The following MAP4K1 variants were observed in gnomAD, a reference collection of about 807,000 sequenced individuals.
MAP4K1 encodes the protein mitogen-activated protein kinase kinase kinase kinase 1, also known as MAPK/ERK kinase kinase kinase 1.
A neutral mutation model predicts 122.8 loss-of-function variants in MAP4K1; 35 were observed. That is an observed-to-expected ratio of 0.29 (90% CI 0.22 to 0.38). The LOEUF (loss-of-function observed/expected upper bound fraction) is 0.38, where lower values mean the gene tolerates loss of function less well. Among genes scored for constraint, MAP4K1 ranks in the 10% least tolerant of loss-of-function variants. The probability of loss-of-function intolerance (pLI) is 1.00; values close to 1 mark genes in which losing one functional copy is unlikely to be tolerated. For synonymous variants in MAP4K1, 412 were observed against 421.3 expected (o/e 0.98, Z 0.27); for missense variants, 791 against 1,072.6 (o/e 0.74, Z 3.67).
Position 38,607,861 on chromosome 19 carries a change from T to TA in MAP4K1, c.1157+2dup. ...GTGGAGCTGCAGGCAGGGCCTCACTTACATGTCCACGTCGTCATAGTCATC... is the reference window on the plus strand; with the variant it reads ...GTGGAGCTGCAGGCAGGGCCTCACTTAACATGTCCACGTCGTCATAGTCATC... On this transcript the variant is annotated splice_region_variant and intron_variant, in intron 16 of 30. Coordinates refer to ENST00000396857, the MANE Select transcript of MAP4K1 (RefSeq NM_001042600.3). 6.2e-7 allele frequency: 1 copy of TA among 1,611,084 alleles called. No individual in the cohort carries two copies. Among genetic ancestry groups the TA allele is most frequent in the Non-Finnish European group, 8.5e-7 (1 of 1,178,852 alleles).
intron 19 of MAP4K1, among the ~76,000 whole-genome samples, chr19:38,602,875 T>C (rs1599704524): frequency 1.4e-5 from 2 of 148,126 alleles, no homozygotes; most frequent in African/African-American, 4.9e-5. Context: ...CACATGTACA[T>C]ATATACTTAT....
intron 13 of MAP4K1, among the ~76,000 whole-genome samples, chr19:38,609,109 T>C (rs892041076): frequency 2.0e-5 from 3 of 152,152 alleles, no homozygotes; most frequent in Admixed American, 6.6e-5. Context: ...CTGGGAACTC[T>C]ATGGTCATTT....
chr19:38,602,425 CACACACAT>C (rs908115004), intron 19 of MAP4K1, among the ~76,000 whole-genome samples: 85 of 151,096 alleles, frequency 5.6e-4, no homozygotes, highest in African/African-American at 1.8e-3. Context: ...CACACACACA[CACACACAT>C]ATATATACAC....
intron 8 of MAP4K1, 103 bp downstream of exon 8, chr19:38,613,777 C>T (rs960328890): frequency 1.3e-4 from 110 of 862,268 alleles, no homozygotes; most frequent in Admixed American, 6.3e-4. Context: ...GGAGAAAGGA[C>T]GAGGCAGGGG....
intron 9 of MAP4K1, 43 bp from the exon 10 acceptor site, chr19:38,611,348 G>A (rs1218603378): frequency 1.5e-6 from 2 of 1,369,754 alleles, no homozygotes; most frequent in African/African-American, 2.9e-5. Context: ...ACCCTCAAGG[G>A]GGCCAGACCT....
rs573540717 is a variant in MAP4K1, at chr19:38,597,339, C to T, written c.1824G>A (p.Arg608=). The T allele has an allele frequency of 3.3e-4, 527 of 1,614,076 alleles. 2 individuals are homozygous for T. The South Asian group carries it at 5.5e-3, about 17-fold the overall frequency. ...STKIQDTKGC[R]ACCVAEGASS... is the part of the protein sequence containing the mutation. The stretch of plus-strand genomic sequence containing the variant: ...GCTCTCTCTCACCCACACAGCACGC[C>T]CGGCAGCCTTTGGTGTCCTGGATCT... Residue 608 remains arginine (R), a synonymous_variant, in exon 24 of 31, where the codon CGG becomes CGA. Transcript: ENST00000396857. The surrounding 1 kb of genome is among the most constrained non-coding windows in gnomAD (Gnocchi z 4.6).
At position 38,612,710 on chromosome 19, in the gene MAP4K1, T is replaced by C; in HGVS notation, c.566A>G (p.Lys189Arg). 6.2e-7 allele frequency: 1 copy of C among 1,613,566 alleles called. No individual in the cohort carries two copies. Among genetic ancestry groups the C allele is most frequent in the Non-Finnish European group, 8.5e-7 (1 of 1,179,798 alleles). The change falls in exon 9 of 31, where the codon AAG becomes AGG. Residue 189 changes from lysine (K) to arginine (R), a missense_variant. By Grantham distance (26) the Lys-to-Arg change is conservative. Transcript: ENST00000396857. ...MAPEVAAVAL[K>R]GGYNELCDIW... ...GTCACACAGCTCATTGTATCCTCCC[T>C]TCAGGGCCACAGCTGCCACTTCCGG...
intron 19 of MAP4K1, chr19:38,601,786 TG>T (rs1184527039): frequency 6.8e-6 from 3 of 443,004 alleles, no homozygotes; most frequent in Non-Finnish European, 1.2e-5. Flanking sequence ...CATCAGCATT[TG>T]TTTTTTTTAA....
intron 12 of MAP4K1, 40 bp downstream of exon 12, chr19:38,609,869 C>A: frequency 1.3e-6 from 2 of 1,561,188 alleles, no homozygotes; most frequent in Non-Finnish European, 1.8e-6. Context: ...CTGAGAAAGA[C>A]CGAGAGGTCC....
intron 8 of MAP4K1, 132 bp from the exon 9 acceptor site, chr19:38,612,874 T>A: frequency 2.1e-6 from 2 of 937,732 alleles, no homozygotes; most frequent in Non-Finnish European, 3.2e-6. Context: ...GGGACAGGAG[T>A]AAAGACAGAC....
At position 38,600,159 on chromosome 19, in the gene MAP4K1, G is replaced by A. The variant is rs751339152; in HGVS notation, c.1532-6C>T. The A allele has an allele frequency of 1.2e-6, 2 of 1,613,880 alleles. No homozygotes were observed. The highest frequency in any genetic ancestry group is 1.7e-4 in the Middle Eastern group (1 of 6,058). ...CCCCAGGAGCAGGTGCTGGTCTGGA[G>A]GCACAGACAAGGACGCTGGGACCGA... is the stretch of plus-strand genomic sequence containing the variant. On this transcript the variant is annotated splice_polypyrimidine_tract_variant and splice_region_variant and intron_variant, in intron 20 of 30. Coordinates refer to ENST00000396857, the MANE Select transcript of MAP4K1 (RefSeq NM_001042600.3).
Position 38,606,165 on chromosome 19 carries a change from G to T in MAP4K1, c.1200+8C>A. ...CCCCAGCCTCCCAGCTCTGGCCCAG[G>T]GCCTTACCTTGGGGGGAAGTGGAGG... On this transcript the variant is annotated splice_region_variant and intron_variant, in intron 17 of 30. Transcript: ENST00000396857. 1 of 1,581,980 alleles carries T rather than the reference G, an allele frequency of 6.3e-7. No homozygotes were observed. The highest frequency in any genetic ancestry group is 1.9e-5 in the Admixed American group (1 of 51,722).
chr19:38,614,539 C>A, intron 4 of MAP4K1, 94 bp from the exon 5 acceptor site: 1 of 1,375,276 alleles, frequency 7.3e-7, no homozygotes, highest in Non-Finnish European at 1.0e-6. Context: ...TAAGAGGGTG[C>A]CATAGGGAGA....
At chr19:38,587,855 T>G (rs1974570407) in intron 30 of MAP4K1, 38 bp from the exon 31 acceptor site, 1 of 1,450,760 alleles carries the variant, frequency 6.9e-7, no homozygotes, top group South Asian at 1.1e-5. Flanking sequence ...ATTTATTCAT[T>G]CATATGTTCA....
At position 38,597,311 on chromosome 19, in the gene MAP4K1, G is replaced by A. The variant is rs1447212903; in HGVS notation, c.1837+15C>T. The A allele has an allele frequency of 8.7e-6, 14 of 1,613,778 alleles. No individual in the cohort carries two copies. The highest frequency in any genetic ancestry group is 8.0e-5 in the African/African-American group (6 of 74,924). ...CCCCGCCCACTCTCTGCACACCCGT[G>A]AAGCTCTCTCTCACCCACACAGCAC... On this transcript the variant is annotated intron_variant, in intron 24 of 30. Coordinates refer to ENST00000396857, the MANE Select transcript of MAP4K1 (RefSeq NM_001042600.3). The surrounding 1 kb of genome is among the most constrained non-coding windows in gnomAD (Gnocchi z 4.6).
chr19:38,588,709 G>A (rs1312250526), intron 30 of MAP4K1, among the ~76,000 whole-genome samples: 4 of 148,526 alleles, frequency 2.7e-5, no homozygotes, highest in Admixed American at 2.0e-4. Flanking sequence ...CCGAGATAGC[G>A]CCAGTGCACT....
At position 38,587,657 on chromosome 19, in the gene MAP4K1, T is replaced by C. The variant is rs2145923056; in HGVS notation, c.*91A>G. On this transcript the variant is annotated 3_prime_UTR_variant, in exon 31 of 31. Coordinates refer to ENST00000396857, the MANE Select transcript of MAP4K1 (RefSeq NM_001042600.3). ...AAGATGACAGCAGAGGCTAAAGTCA[T>C]GTTTATTGGGAGATGAGGACATGCC... is the stretch of plus-strand genomic sequence containing the variant. The C allele has an allele frequency of 9.4e-7, 1 of 1,064,200 alleles. No homozygotes were observed. 65.9% of individuals were successfully genotyped at this position (1,064,200 alleles called of 1,614,324 possible).
intron 19 of MAP4K1, among the ~76,000 whole-genome samples, chr19:38,605,083 C>CT (rs887260958): frequency 2.2e-5 from 3 of 138,172 alleles, no homozygotes; most frequent in Non-Finnish European, 4.6e-5. Flanking sequence ...AAAACTCCGT[C>CT]TTTAAAAAAA....
chr19:38,611,228 G>A lies in MAP4K1; in HGVS notation c.728+15C>T. 6.2e-7 allele frequency: 1 copy of A among 1,611,928 alleles called. No homozygotes were observed. The highest frequency in any genetic ancestry group is 8.5e-7 in the Non-Finnish European group (1 of 1,178,178). ...CCTGCCCTCTCTCACCCTCCCTCCT[G>A]TTACTCTCTCGTACCATTTGCCTTT... is the stretch of plus-strand genomic sequence containing the variant. On this transcript the variant is annotated intron_variant, in intron 10 of 30. Transcript: ENST00000396857.
Sources: gnomAD v4.1 joint callset for allele counts (sites outside exome capture counted in the v4.1 genomes callset) on GRCh38, gnomAD v4.1.1 for gene constraint, Gnocchi (gnomAD v3.1) non-coding constraint, MANE v1.5 for transcripts, NCBI Gene and HGNC (gene_info 2026-07-23, HGNC 2026-07-21) for gene names.